The following MYO16 variants were observed in gnomAD, a reference collection of about 807,000 sequenced individuals.
MYO16 encodes the protein myosin XVI, also known as unconventional myosin-XVI.
MYO16 carries 94 observed loss-of-function variants against 205.3 expected under a neutral mutation model. The observed-to-expected ratio is 0.46, with a 90% confidence interval of 0.39 to 0.54. MYO16 has a LOEUF of 0.54. Among genes scored for constraint, MYO16 ranks in the 20% least tolerant of loss-of-function variants. The pLI is 0.00. For synonymous variants in MYO16, 988 were observed against 954.0 expected (o/e 1.04, Z -0.66); for missense variants, 2,315 against 2,387.5 (o/e 0.97, Z 0.63).
At chr13:109,070,283 C>A (rs1887883714) in intron 27 of MYO16, among the ~76,000 whole-genome samples, 1 of 152,182 alleles carries the variant, frequency 6.6e-6, no homozygotes, top group Non-Finnish European at 1.5e-5. Context: ...TTCTGTAATT[C>A]CCAATAGACT....
chr13:108,606,449 GACCAAGGT>G (rs1414915397), intron 1 of MYO16, among the ~76,000 whole-genome samples: 3 of 152,206 alleles, frequency 2.0e-5, no homozygotes, highest in South Asian at 4.1e-4. Flanking sequence ...CATGGGTAAA[GACCAAGGT>G]ACAGCTTGGG....
chr13:108,830,370 A>C (rs936130975), intron 9 of MYO16, among the ~76,000 whole-genome samples: 1 of 145,174 alleles, frequency 6.9e-6, no homozygotes, highest in African/African-American at 2.5e-5. Flanking sequence ...CAAATGTCCA[A>C]CAATGATAGA....
rs61147832 is a variant in MYO16, at chr13:109,153,927, C to T, written c.5165-10974C>T. Among the ~76,000 whole-genome samples, 609 of 152,282 alleles carry T rather than the reference C, an allele frequency of 4.0e-3. 2 individuals are homozygous for T. Among genetic ancestry groups the T allele is most frequent in the African/African-American group, 0.014 (584 of 41,546 alleles). ...GCTTAGGCTCAGCCTTTCTCTACTG[C>T]GTCCCAGTCATTTGTCCTTCCTGAG... On this transcript the variant is annotated intron_variant, in intron 32 of 34. Coordinates refer to ENST00000457511, the MANE Select transcript of MYO16 (RefSeq NM_001198950.3).
intron 4 of MYO16, among the ~76,000 whole-genome samples, chr13:108,735,296 G>A (rs537459822): frequency 8.8e-4 from 112 of 127,460 alleles, no homozygotes; most frequent in African/African-American, 3.1e-3. Flanking sequence ...GGTGTGTGAT[G>A]TTCCCCTTCC....
intron 1 of MYO16, among the ~76,000 whole-genome samples, chr13:108,648,930 CT>C (rs2139396237): frequency 6.6e-6 from 1 of 152,042 alleles, no homozygotes; most frequent in East Asian, 1.9e-4. Flanking sequence ...CTCTGCATCT[CT>C]TTCTCTCTCT....
intron 2 of MYO16, among the ~76,000 whole-genome samples, chr13:108,707,021 A>G (rs933626011): frequency 1.3e-5 from 2 of 152,132 alleles, no homozygotes; most frequent in African/African-American, 4.8e-5. Context: ...CTCCTTGTCC[A>G]GGAGGGTGGC....
intron 16 of MYO16, among the ~76,000 whole-genome samples, chr13:108,942,305 G>T (rs1396036097): frequency 6.6e-6 from 1 of 152,014 alleles, no homozygotes; most frequent in Admixed American, 6.5e-5. Context: ...CTTCTAAATG[G>T]ACTTCCCTTA....
At chr13:108,965,192 A>G (rs1213551865) in intron 20 of MYO16, among the ~76,000 whole-genome samples, 3 of 152,152 alleles carry the variant, frequency 2.0e-5, no homozygotes, top group Non-Finnish European at 2.9e-5. Flanking sequence ...CCTTTTGTGC[A>G]CCAATAAATC....
At chr13:108,886,251 T>C (rs754777634) in intron 13 of MYO16, among the ~76,000 whole-genome samples, 3 of 152,096 alleles carry the variant, frequency 2.0e-5, no homozygotes, top group Non-Finnish European at 4.4e-5. Flanking sequence ...CCTCTCAAAG[T>C]GCTGGGATTA....
intron 22 of MYO16, among the ~76,000 whole-genome samples, chr13:109,019,413 A>G (rs577111846): frequency 6.6e-6 from 1 of 152,188 alleles, no homozygotes; most frequent in African/African-American, 2.4e-5. Flanking sequence ...TCTGAATTTC[A>G]TTTTTCTTAT....
chr13:108,752,816 T>C (rs1419351124), intron 4 of MYO16, among the ~76,000 whole-genome samples: 1 of 142,862 alleles, frequency 7.0e-6, no homozygotes, highest in East Asian at 2.0e-4. Context: ...TAATTTTTTT[T>C]TTTTTTTTTT....
At chr13:108,738,719 G>C (rs572743415) in intron 4 of MYO16, among the ~76,000 whole-genome samples, 1 of 152,184 alleles carries the variant, frequency 6.6e-6, no homozygotes, top group South Asian at 2.1e-4. Context: ...GTTGATCTGT[G>C]TAATATTGAC....
chr13:108,991,241 T>G (rs780747193), intron 20 of MYO16, among the ~76,000 whole-genome samples: 1 of 152,176 alleles, frequency 6.6e-6, no homozygotes, highest in Non-Finnish European at 1.5e-5. Context: ...TGATCACCAT[T>G]GCTAGAGTGG....
chr13:109,123,108 C>T (rs1236714585), intron 29 of MYO16, among the ~76,000 whole-genome samples: 3 of 152,198 alleles, frequency 2.0e-5, no homozygotes, highest in South Asian at 2.1e-4. Context: ...ATCTTAGAAG[C>T]AGTCTTCTGA....
chr13:108,708,520 A>C (rs188949238), intron 2 of MYO16, among the ~76,000 whole-genome samples: 412 of 152,324 alleles, frequency 2.7e-3, no homozygotes, highest in Middle Eastern at 0.01. Context: ...CCCTCTAACC[A>C]GGTTTACCAA....
intron 16 of MYO16, among the ~76,000 whole-genome samples, chr13:108,943,520 C>T (rs1033917430): frequency 3.3e-5 from 5 of 151,992 alleles, no homozygotes; most frequent in East Asian, 1.9e-4. Context: ...TGCAGTGACA[C>T]GATCTCGGCT....
chr13:108,633,915 C>T (rs1339024898), intron 1 of MYO16, among the ~76,000 whole-genome samples: 1 of 152,174 alleles, frequency 6.6e-6, no homozygotes, highest in Non-Finnish European at 1.5e-5. Context: ...ATATCCTGCT[C>T]TCCGCCTGGT....
chr13:109,091,456 T>C (rs931974367), intron 27 of MYO16, among the ~76,000 whole-genome samples: 16 of 152,214 alleles, frequency 1.1e-4, no homozygotes, highest in African/African-American at 3.4e-4. Flanking sequence ...TTTTCTTTGA[T>C]TGATGTTAAG....
intron 28 of MYO16, chr13:109,101,717 A>G (rs776066180): frequency 6.6e-6 from 1 of 152,192 alleles, no homozygotes; most frequent in African/African-American, 2.4e-5. Flanking sequence ...TTGCTGTAAA[A>G]CCACCAAAAG....
Sources: allele counts gnomAD v4.1 joint callset (sites outside exome capture counted in the v4.1 genomes callset), GRCh38; gene constraint gnomAD v4.1.1; transcripts MANE v1.5; gene names NCBI Gene and HGNC (gene_info 2026-07-23, HGNC 2026-07-21).